Variants in VPS35L observed in about 807,000 individuals in gnomAD.
The protein encoded by VPS35L is VPS35 endosomal protein sorting factor like.
Under a neutral mutation model 133.0 loss-of-function variants are expected in VPS35L, and 83 were observed. That is an observed-to-expected ratio of 0.62 (90% CI 0.52 to 0.75). VPS35L has a LOEUF of 0.75. Ranked by LOEUF, VPS35L falls within the 30% of genes least tolerant of loss-of-function variation. The pLI, the probability that VPS35L is intolerant of heterozygous loss-of-function variation, is 0.00. For synonymous variants in VPS35L, 423 were observed against 449.9 expected, an observed-to-expected ratio of 0.94 and a Z score of 0.76; for missense variants, 1,083 against 1,206.8, an observed-to-expected ratio of 0.90 and a Z score of 1.52.
At chr16:19,591,003 G>A (rs1317639090) in intron 7 of VPS35L, among the ~76,000 whole-genome samples, 37 of 152,042 alleles carry the variant, frequency 2.4e-4, no homozygotes, top group Admixed American at 2.4e-3. Context: ...CCTGAACATG[G>A]CTGTGACCCT....
intron 7 of VPS35L, among the ~76,000 whole-genome samples, chr16:19,584,542 G>A (rs1014334100): frequency 2.7e-5 from 4 of 149,968 alleles, no homozygotes; most frequent in South Asian, 4.2e-4. Context: ...CAGGAGAATC[G>A]CTTGAACCCA....
intron 8 of VPS35L, 125 bp from the exon 9 acceptor site, chr16:19,601,539 G>A: frequency 2.3e-6 from 2 of 862,518 alleles, no homozygotes; most frequent in Non-Finnish European, 3.5e-6. Flanking sequence ...CCAGGTGGCA[G>A]CATACCATCA....
chr16:19,596,196 A>G (rs903187638), intron 8 of VPS35L, among the ~76,000 whole-genome samples: 2 of 152,174 alleles, frequency 1.3e-5, no homozygotes, highest in African/African-American at 4.8e-5. Context: ...AGTGAATTGC[A>G]GAGCTGAGGC....
intron 21 of VPS35L, among the ~76,000 whole-genome samples, chr16:19,641,888 A>T (rs151147554): frequency 6.6e-6 from 1 of 152,182 alleles, no homozygotes; most frequent in African/African-American, 2.4e-5. Context: ...AGAAGTTATC[A>T]TGTGTATAGA....
intron 16 of VPS35L, among the ~76,000 whole-genome samples, chr16:19,628,078 A>G (rs1233474933): frequency 1.3e-5 from 2 of 152,208 alleles, no homozygotes; most frequent in Non-Finnish European, 2.9e-5. Flanking sequence ...ATTTAAGAAT[A>G]TATCAGGCTG....
Position 19,699,681 on chromosome 16 carries a change from C to T in VPS35L, c.2793+33C>T, listed in dbSNP as rs1555509801. On this transcript the variant is annotated intron_variant, in intron 30 of 30. Transcript: ENST00000417362. This position sits in a 1 kb window ranked among gnomAD's most constrained non-coding sequence, Gnocchi z 4.2. Reference sequence around the variant, plus strand: ...GCTCGGAGGGCCCCGTGGTATAAGCCCACTGGCCAGTGCACAACCACCCTC... The same window carrying T: ...GCTCGGAGGGCCCCGTGGTATAAGCTCACTGGCCAGTGCACAACCACCCTC... 2 of 1,609,158 alleles carry T rather than the reference C, an allele frequency of 1.2e-6. No homozygotes were observed. The highest frequency in any genetic ancestry group is 1.1e-5 in the South Asian group (1 of 90,990).
chr16:19,640,039 A>T lies in VPS35L; in HGVS notation c.1723A>T (p.Met575Leu). The stretch of plus-strand genomic sequence containing the variant: ...GGAAAAATTTCTGCCGTTTCTGGAC[A>T]TGTTCCAAAAAGAGAGTGTGCGGGT... ...SVEKFLPFLD[M>L]FQKESVRVEV... The change falls in exon 21 of 31, where the codon ATG becomes TTG. Residue 575 changes from methionine (M) to leucine (L), a missense_variant. Transcript: ENST00000417362. The T allele has an allele frequency of 6.2e-7, 1 of 1,614,220 alleles. No homozygotes were observed. The highest frequency in any genetic ancestry group is 2.2e-5 in the East Asian group (1 of 44,888).
intron 14 of VPS35L, among the ~76,000 whole-genome samples, chr16:19,621,566 T>A (rs764677174): frequency 1.6e-4 from 25 of 152,234 alleles, no homozygotes; most frequent in Admixed American, 1.6e-3. Flanking sequence ...GAAAGAAATA[T>A]GCTGAGCTGC....
At chr16:19,648,063 C>G (rs1185142152) in intron 24 of VPS35L, among the ~76,000 whole-genome samples, 181 bp downstream of exon 24, 1 of 152,078 alleles carries the variant, frequency 6.6e-6, no homozygotes, top group Non-Finnish European at 1.5e-5. Flanking sequence ...AAGCAATTCT[C>G]CCTGTCTCAG....
intron 27 of VPS35L, among the ~76,000 whole-genome samples, chr16:19,679,749 C>T (rs1448253395): frequency 6.6e-6 from 1 of 152,178 alleles, no homozygotes; most frequent in African/African-American, 2.4e-5. Flanking sequence ...AAGGGATCCG[C>T]CCATCTCGGC....
chr16:19,573,992 T>TA (rs1971459976), intron 4 of VPS35L, among the ~76,000 whole-genome samples: 1 of 152,062 alleles, frequency 6.6e-6, no homozygotes. Context: ...TCAAGACACT[T>TA]ACGAAATTCG....
At chr16:19,600,968 C>T (rs1041650368) in intron 8 of VPS35L, among the ~76,000 whole-genome samples, 1 of 152,190 alleles carries the variant, frequency 6.6e-6, no homozygotes, top group Non-Finnish European at 1.5e-5. Flanking sequence ...CTTGCTCTCT[C>T]ACCCAGGCTG....
intron 28 of VPS35L, among the ~76,000 whole-genome samples, chr16:19,690,982 A>G (rs1338378898): frequency 6.6e-6 from 1 of 152,030 alleles, no homozygotes; most frequent in East Asian, 1.9e-4. Flanking sequence ...AAAGAAAAGA[A>G]AAGAAAAATC....
chr16:19,693,713 G>T (rs1975789215), intron 29 of VPS35L, among the ~76,000 whole-genome samples: 2 of 151,816 alleles, frequency 1.3e-5, no homozygotes, highest in African/African-American at 4.8e-5. Flanking sequence ...AAACCCGGGA[G>T]GCGGAGGTTG....
intron 4 of VPS35L, among the ~76,000 whole-genome samples, chr16:19,574,579 G>A (rs1971476561): frequency 6.6e-6 from 1 of 152,020 alleles, no homozygotes; most frequent in Non-Finnish European, 1.5e-5. Context: ...AGGCAGAATT[G>A]CTGGACTATT....
At chr16:19,660,519 C>T (rs903572426) in intron 26 of VPS35L, among the ~76,000 whole-genome samples, 8 of 151,774 alleles carry the variant, frequency 5.3e-5, no homozygotes, top group East Asian at 1.9e-4. Flanking sequence ...TTATGACTGA[C>T]GAGTGGTAAA....
At chr16:19,615,605 G>A (rs1205100070) in intron 12 of VPS35L, among the ~76,000 whole-genome samples, 3 of 151,596 alleles carry the variant, frequency 2.0e-5, no homozygotes, top group South Asian at 2.1e-4. Context: ...AGCCAAGATC[G>A]TGCCACTGCA....
chr16:19,650,674 G>A (rs540331742), intron 25 of VPS35L, among the ~76,000 whole-genome samples: 13 of 152,220 alleles, frequency 8.5e-5, no homozygotes, highest in African/African-American at 2.6e-4. Flanking sequence ...ATTTTAATAC[G>A]TGTTGTGGGG....
Position 19,691,468 on chromosome 16 carries a change from C to T in VPS35L, c.2643C>T (p.Asp881=), listed in dbSNP as rs751913736. ...AGCATCTGAAAACCCTGGCCAAGGA[C>T]GAGGTGGGTGCCCTCTGCTGTCCTC... is the stretch of plus-strand genomic sequence containing the variant. ...ILEHLKTLAK[D]EALKRQSSLG... The change falls in exon 29 of 31, where the codon GAC becomes GAT. Residue 881 remains aspartate (D), a synonymous_variant. Transcript: ENST00000417362. The T allele has an allele frequency of 2.5e-5, 40 of 1,611,854 alleles. No homozygotes were observed. The highest frequency in any genetic ancestry group is 5.3e-5 in the African/African-American group (4 of 74,868).
Sources: gnomAD v4.1 joint callset for allele counts (sites outside exome capture counted in the v4.1 genomes callset) on GRCh38, gnomAD v4.1.1 for gene constraint, Gnocchi (gnomAD v3.1) non-coding constraint, MANE v1.5 for transcripts, NCBI Gene and HGNC (gene_info 2026-07-23, HGNC 2026-07-21) for gene names.